The following SLC7A14 variants were observed in gnomAD, a reference collection of about 807,000 sequenced individuals.
SLC7A14 encodes solute carrier family 7 member 14, also known as gamma-aminobutyric acid transporter SLC7A14.
A neutral mutation model predicts 60.2 loss-of-function variants in SLC7A14; 37 were observed. That is an observed-to-expected ratio of 0.61 (90% CI 0.47 to 0.81). The LOEUF is 0.81. Ranked by LOEUF, SLC7A14 falls within the 30% of genes least tolerant of loss-of-function variation. The pLI, the probability that SLC7A14 is intolerant of heterozygous loss-of-function variation, is 0.00. For missense variants in SLC7A14, 886 were observed against 982.7 expected (o/e 0.90, Z 1.32); for synonymous variants, 399 against 395.8 (o/e 1.01, Z -0.10).
chr3:170,483,401 A>G lies in SLC7A14; in HGVS notation c.1028T>C (p.Val343Ala), dbSNP rs765044710. Reference protein sequence around the residue: ...AAKFVVAIGSVAGLTVSLLGS... With the variant: ...AAKFVVAIGSAAGLTVSLLGS... The stretch of plus-strand genomic sequence containing the variant: ...CAGCAAGCTGACTGTCAGTCCTGCA[A>G]CCGACCCAATGGCCACTACGAATTT... Residue 343 changes from valine (V) to alanine (A), a missense_variant, in exon 6 of 8, where the codon GTT becomes GCT. Transcript: ENST00000231706. The G allele has an allele frequency of 6.2e-7, 1 of 1,614,234 alleles. No homozygotes were observed. Among genetic ancestry groups the G allele is most frequent in the Admixed American group, 1.7e-5 (1 of 60,032 alleles).
At chr3:170,483,608 C>G (rs1337792519) in intron 5 of SLC7A14, 86 bp from the exon 6 acceptor site, 28 of 1,444,418 alleles carry the variant, frequency 1.9e-5, no homozygotes, top group Non-Finnish European at 2.3e-5. Flanking sequence ...AGAGCCCTGC[C>G]CCTGGAGGCA....
Position 170,550,512 on chromosome 3 carries a change from A to ATTTTTTTTTTTTTTT in SLC7A14, c.-152-23439_-152-23425dup, listed in dbSNP as rs369436642. On this transcript the variant is annotated intron_variant, in intron 1 of 7. Coordinates refer to ENST00000231706, the MANE Select transcript of SLC7A14 (RefSeq NM_020949.3). Reference sequence around the variant, plus strand: ...TAAACCTAATGCCATCTTTCCTTGAATTTTTTTTTTTTTTTTTTTTTTTTT... The same window carrying ATTTTTTTTTTTTTTT: ...TAAACCTAATGCCATCTTTCCTTGAATTTTTTTTTTTTTTTTTTTTTTTTTTTTTTTTTTTTTTTT... Among the ~76,000 whole-genome samples, 144 of 60,586 alleles carry ATTTTTTTTTTTTTTT rather than the reference A, an allele frequency of 2.4e-3. 14 individuals are homozygous for ATTTTTTTTTTTTTTT. Among genetic ancestry groups the ATTTTTTTTTTTTTTT allele is most frequent in the African/African-American group, 5.1e-3 (58 of 11,464 alleles). The allele number at this position is 60,586 out of a possible 152,430, so 39.7% of individuals were successfully genotyped here.
At chr3:170,472,803 G>C (rs1015221512) in intron 7 of SLC7A14, among the ~76,000 whole-genome samples, 1 of 151,786 alleles carries the variant, frequency 6.6e-6, no homozygotes, top group Non-Finnish European at 1.5e-5. Context: ...TTGCAGTGAC[G>C]GGAAATATTC....
At chr3:170,484,765 C>T (rs1215036614) in intron 5 of SLC7A14, among the ~76,000 whole-genome samples, 1 of 152,080 alleles carries the variant, frequency 6.6e-6, no homozygotes, top group Non-Finnish European at 1.5e-5. Context: ...GCTCCTAGGG[C>T]GTGTTTAAGG....
intron 1 of SLC7A14, among the ~76,000 whole-genome samples, chr3:170,554,936 A>G (rs1275379010): frequency 6.6e-6 from 1 of 152,112 alleles, no homozygotes; most frequent in African/African-American, 2.4e-5. Flanking sequence ...TGGGAGGCCG[A>G]GGTGGGCAGA....
At chr3:170,512,960 CT>C (rs1363130277) in intron 2 of SLC7A14, among the ~76,000 whole-genome samples, 2 of 152,126 alleles carry the variant, frequency 1.3e-5, no homozygotes, top group African/African-American at 4.8e-5. Flanking sequence ...CTGGCATGCA[CT>C]GGGTAAACTG....
intron 1 of SLC7A14, among the ~76,000 whole-genome samples, chr3:170,577,148 C>T (rs1715114270): frequency 6.6e-6 from 1 of 152,104 alleles, no homozygotes; most frequent in Non-Finnish European, 1.5e-5. Context: ...TCTCACTGGC[C>T]CTATTTGTAA....
At chr3:170,485,080 G>A (rs1711979053) in intron 5 of SLC7A14, among the ~76,000 whole-genome samples, 1 of 152,140 alleles carries the variant, frequency 6.6e-6, no homozygotes, top group South Asian at 2.1e-4. Flanking sequence ...TGTCCTTGCT[G>A]TTCCTTCTGC....
At chr3:170,568,020 C>T (rs1255000324) in intron 1 of SLC7A14, among the ~76,000 whole-genome samples, 1 of 152,026 alleles carries the variant, frequency 6.6e-6, no homozygotes. Context: ...TAATTAGATC[C>T]CACTTGTCAA....
intron 2 of SLC7A14, among the ~76,000 whole-genome samples, chr3:170,510,276 G>C (rs1712929621): frequency 1.3e-5 from 2 of 151,380 alleles, no homozygotes; most frequent in African/African-American, 4.9e-5. Context: ...TGTAATTCCA[G>C]CTGTTCGGGA....
chr3:170,488,450 T>C (rs1368944070), intron 4 of SLC7A14, among the ~76,000 whole-genome samples: 1 of 152,200 alleles, frequency 6.6e-6, no homozygotes, highest in Non-Finnish European at 1.5e-5. Context: ...AATGTGCTTG[T>C]TTTCACTTAT....
chr3:170,477,457 G>A (rs865907209), intron 7 of SLC7A14, among the ~76,000 whole-genome samples: 1 of 152,216 alleles, frequency 6.6e-6, no homozygotes, highest in Non-Finnish European at 1.5e-5. Context: ...CCTCAGGCAA[G>A]TGCCTCAGTT....
Position 170,461,795 on chromosome 3 carries a change from G to A in SLC7A14, c.*5260C>T, listed in dbSNP as rs1269607812. ...AGACACGTGGGTCCTCAGTTTCAGG[G>A]AGCTACACAGGTACAGGGGAAGCAG... On this transcript the variant is annotated 3_prime_UTR_variant, in exon 8 of 8. Coordinates refer to ENST00000231706, the MANE Select transcript of SLC7A14 (RefSeq NM_020949.3). The A allele has an allele frequency of 6.6e-6, 1 of 152,242 alleles. No homozygotes were observed. Among genetic ancestry groups the A allele is most frequent in the African/African-American group, 2.4e-5 (1 of 41,430 alleles). 9.4% of individuals were successfully genotyped at this position (152,242 alleles called of 1,614,324 possible). A position where few individuals can be genotyped will look rare whatever the true frequency, so the allele number is the denominator to read the frequency against.
chr3:170,493,354 TTATGAGGGG>T (rs1297817235), intron 4 of SLC7A14, among the ~76,000 whole-genome samples: 3 of 152,148 alleles, frequency 2.0e-5, no homozygotes, highest in Non-Finnish European at 4.4e-5. Flanking sequence ...AAGAGTAGGT[TTATGAGGGG>T]TCCCTGGTTA....
chr3:170,499,308 G>GTGTGC (rs1337468659), intron 3 of SLC7A14, among the ~76,000 whole-genome samples: 1 of 145,320 alleles, frequency 6.9e-6, no homozygotes, highest in East Asian at 2.1e-4. Flanking sequence ...GTGTGTGTGT[G>GTGTGC]TGTGCACCTA....
At chr3:170,529,056 T>C (rs1713596030) in intron 1 of SLC7A14, among the ~76,000 whole-genome samples, 1 of 152,212 alleles carries the variant, frequency 6.6e-6, no homozygotes, top group Non-Finnish European at 1.5e-5. Flanking sequence ...GTGAGAGGGT[T>C]TATTTTTGTT....
In SLC7A14 at chr3:170,466,852, G is replaced by T. The variant is rs891483313; in HGVS notation, c.*203C>A. On this transcript the variant is annotated 3_prime_UTR_variant, in exon 8 of 8. Coordinates refer to ENST00000231706, the MANE Select transcript of SLC7A14 (RefSeq NM_020949.3). Reference sequence around the variant, plus strand: ...ATTTATTTATTTTATTTAACAAGGCGACCAGTTAGGGGACCCAGGTTAAGC... The same window carrying T: ...ATTTATTTATTTTATTTAACAAGGCTACCAGTTAGGGGACCCAGGTTAAGC... The T allele has an allele frequency of 5.8e-6, 3 of 515,816 alleles. No homozygotes were observed. The highest frequency in any genetic ancestry group is 1.0e-5 in the Non-Finnish European group (3 of 295,466). The allele number at this position is 515,816 out of a possible 1,614,324, so 32.0% of individuals were successfully genotyped here. A position where few individuals can be genotyped will look rare whatever the true frequency, so the allele number is the denominator to read the frequency against.
intron 1 of SLC7A14, among the ~76,000 whole-genome samples, chr3:170,536,365 T>G (rs1217551954): frequency 4.6e-5 from 7 of 152,210 alleles, no homozygotes; most frequent in Non-Finnish European, 1.0e-4. Flanking sequence ...CCATAAAAGT[T>G]TAGAAAAACT....
Position 170,515,327 on chromosome 3 carries a change from AAAAT to A in SLC7A14, c.304+11302_304+11305del, listed in dbSNP as rs1560266058. On this transcript the variant is annotated intron_variant, in intron 2 of 7. Transcript: ENST00000231706. ...GACTCTGTCCGCCCCCCCCAAAAAA[AAAAT>A]ATATATATATGTATATATATATTAT... 3.1e-3 allele frequency among the ~76,000 whole-genome samples: 420 copies of A among 135,704 alleles called. 2 individuals carry two copies. The highest frequency in any genetic ancestry group is 0.012 in the African/African-American group (404 of 33,816). The allele number at this position is 135,704 out of a possible 152,430, so 89.0% of individuals were successfully genotyped here.
Sources: allele counts gnomAD v4.1 joint callset (sites outside exome capture counted in the v4.1 genomes callset), GRCh38; gene constraint gnomAD v4.1.1; transcripts MANE v1.5; gene names NCBI Gene and HGNC (gene_info 2026-07-23, HGNC 2026-07-21).